The following ATP2B1 variants were observed in gnomAD, a reference collection of about 807,000 sequenced individuals.
The protein encoded by ATP2B1 is plasma membrane calcium-transporting ATPase 1.
ATP2B1 carries 14 observed loss-of-function variants against 124.2 expected under a neutral mutation model. The observed-to-expected ratio is 0.11, with a 90% CI of 0.07 to 0.18. ATP2B1 has a LOEUF of 0.18. ATP2B1 is among the 10% of genes least tolerant of loss of function. The pLI is 1.00. For synonymous variants in ATP2B1, 449 were observed against 492.4 expected (o/e 0.91, Z 1.17); for missense variants, 763 against 1,466.1 (o/e 0.52, Z 7.83).
rs869199593 is a variant in ATP2B1 at position 89,677,971 on chromosome 12, T to TAC, written c.-221-21866_-221-21865dup. Reference sequence around the variant, plus strand: ...TGCAGGAATTATATATATATATATATACACACACACACACACACACACACA... The same window carrying TAC: ...TGCAGGAATTATATATATATATATATACACACACACACACACACACACACACA... On this transcript the variant is annotated intron_variant, in intron 1 of 20. Coordinates refer to ENST00000428670, the MANE Select transcript of ATP2B1 (RefSeq NM_001366521.1). 2.6e-3 allele frequency among the ~76,000 whole-genome samples: 137 copies of TAC among 52,208 alleles called. 5 individuals carry two copies. The highest frequency in any genetic ancestry group is 3.7e-3 in the African/African-American group (53 of 14,290). 34.3% of individuals were successfully genotyped at this position (52,208 alleles called of 152,430 possible). A position where few individuals can be genotyped will look rare whatever the true frequency, so the allele number is the denominator to read the frequency against.
chr12:89,671,730 G>C (rs1388249891), intron 1 of ATP2B1, among the ~76,000 whole-genome samples: 1 of 149,698 alleles, frequency 6.7e-6, no homozygotes, highest in African/African-American at 2.5e-5. Context: ...ACAGGGAAGA[G>C]AATGTGCTAG....
rs549282040 is a variant in ATP2B1 at position 89,630,672 on chromosome 12, T to A, written c.788-27A>T. 7.8e-5 allele frequency: 111 copies of A among 1,424,074 alleles called. 1 individual carries two copies. In the South Asian group the frequency reaches 1.9e-3, roughly 24 times the overall value. The allele number at this position is 1,424,074 out of a possible 1,614,324, so 88.2% of individuals were successfully genotyped here. On this transcript the variant is annotated intron_variant, in intron 5 of 20. Coordinates refer to ENST00000428670, the MANE Select transcript of ATP2B1 (RefSeq NM_001366521.1). Reference sequence around the variant, plus strand: ...TATAACCAAAAACATAGTTTGTTTTTAAAAATACTGATAGATCTCCTTGCT... The same window carrying A: ...TATAACCAAAAACATAGTTTGTTTTAAAAAATACTGATAGATCTCCTTGCT...
intron 5 of ATP2B1, among the ~76,000 whole-genome samples, chr12:89,633,790 T>C (rs546247637): frequency 3.3e-5 from 5 of 152,120 alleles, no homozygotes; most frequent in Non-Finnish European, 7.4e-5. Context: ...TGGCAATCTA[T>C]CAACACCTGA....
At chr12:89,668,411 A>C (rs190986081) in intron 1 of ATP2B1, among the ~76,000 whole-genome samples, 1 of 152,334 alleles carries the variant, frequency 6.6e-6, no homozygotes, top group East Asian at 1.9e-4. Flanking sequence ...CATAAAAAAG[A>C]AATGTAACCA....
At chr12:89,678,197 T>C (rs1047968103) in intron 1 of ATP2B1, among the ~76,000 whole-genome samples, 1 of 151,964 alleles carries the variant, frequency 6.6e-6, no homozygotes, top group African/African-American at 2.4e-5. Flanking sequence ...CTGCCTTTCT[T>C]TTCCCTAAAA....
In ATP2B1 at chr12:89,664,803, C is replaced by T. The variant is rs1887104411; in HGVS notation, c.-221-8696G>A. ...GATTGTCACCTTGATCCAAAAGTTT[C>T]CTCAAACAAATATAAGCAAATTACT... On this transcript the variant is annotated intron_variant, in intron 1 of 20. Coordinates refer to ENST00000428670, the MANE Select transcript of ATP2B1 (RefSeq NM_001366521.1). 5.9e-5 allele frequency among the ~76,000 whole-genome samples: 9 copies of T among 152,188 alleles called. No homozygotes were observed. The South Asian group carries it at 1.9e-3, about 32-fold the overall frequency.
rs532545952 is a variant in ATP2B1 at position 89,633,333 on chromosome 12, G to A, written c.787+1445C>T. On this transcript the variant is annotated intron_variant, in intron 5 of 20. Transcript: ENST00000428670. ...TATTATTATTATATTTTAAGTTTTA[G>A]GGTACATGTGCACAATGTGTAGGTT... Among the ~76,000 whole-genome samples the A allele has an allele frequency of 5.3e-5, 8 of 151,490 alleles. No homozygotes were observed. The South Asian group carries it at 1.5e-3, about 28-fold the overall frequency.
intron 19 of ATP2B1, among the ~76,000 whole-genome samples, chr12:89,600,185 A>G (rs1210996980): frequency 6.6e-6 from 1 of 152,212 alleles, no homozygotes; most frequent in Non-Finnish European, 1.5e-5. Context: ...CTCAGAATCT[A>G]GAAACATAGT....
In ATP2B1 at chr12:89,642,303, C is replaced by A. The variant is rs1366956886; in HGVS notation, c.261G>T (p.Lys87Asn). The change falls in exon 3 of 21, where the codon AAG (lysine) becomes AAT (asparagine). Residue 87 changes from lysine to asparagine, a missense_variant. Lys to Asn is a moderately conservative substitution (Grantham distance 94, BLOSUM62 0). Transcript: ENST00000428670. ...TTGGCTTTTTAGGAGGTATAAAATTCTTTCCAAACACTGCTTCTCTTCTTT... is the reference window on the plus strand; with the variant it reads ...TTGGCTTTTTAGGAGGTATAAAATTATTTCCAAACACTGCTTCTCTTCTTT... ...DLERREAVFG[K>N]NFIPPKKPKT... is the part of the protein sequence containing the mutation. The A allele has an allele frequency of 6.2e-7, 1 of 1,613,766 alleles. No individual in the cohort carries two copies. The highest frequency in any genetic ancestry group is 8.5e-7 in the Non-Finnish European group (1 of 1,179,908).
At chr12:89,628,319 T>C (rs2136138591) in intron 6 of ATP2B1, among the ~76,000 whole-genome samples, 2 of 148,494 alleles carry the variant, frequency 1.3e-5, no homozygotes, top group South Asian at 4.4e-4. Flanking sequence ...GGAGAGTTGC[T>C]TGAACCCGGA....
intron 5 of ATP2B1, among the ~76,000 whole-genome samples, chr12:89,631,282 C>T (rs1158155575): frequency 1.3e-5 from 2 of 152,094 alleles, no homozygotes; most frequent in Non-Finnish European, 2.9e-5. Flanking sequence ...ATGTAAAGTG[C>T]TTAGCATACT....
In ATP2B1 at chr12:89,627,733, G is replaced by A; in HGVS notation, c.929-17C>T. On this transcript the variant is annotated splice_polypyrimidine_tract_variant and intron_variant, in intron 6 of 20. Transcript: ENST00000428670. ...GTTTCTTATCTGTAGGAACAAAATG[G>A]GAATTAAAGCTTTCCAAAAGAAATG... 6.2e-7 allele frequency: 1 copy of A among 1,612,996 alleles called. No individual in the cohort carries two copies. Among genetic ancestry groups the A allele is most frequent in the Non-Finnish European group, 8.5e-7 (1 of 1,179,310 alleles).
chr12:89,692,691 A>G (rs1890689515), intron 1 of ATP2B1, among the ~76,000 whole-genome samples: 3 of 152,166 alleles, frequency 2.0e-5, no homozygotes, highest in Admixed American at 6.6e-5. Context: ...GGTGCTCCTT[A>G]CAATTTTCAC....
At chr12:89,595,619 A>C (rs1173197348) in intron 20 of ATP2B1, among the ~76,000 whole-genome samples, 1 of 152,114 alleles carries the variant, frequency 6.6e-6, no homozygotes, top group Admixed American at 6.6e-5. Context: ...AAACTATTCC[A>C]TATTAGGGCA....
At chr12:89,613,516 C>G (rs2136023148) in intron 12 of ATP2B1, among the ~76,000 whole-genome samples, 1 of 152,212 alleles carries the variant, frequency 6.6e-6, no homozygotes, top group East Asian at 1.9e-4. Flanking sequence ...AAGGACAGGG[C>G]CTGCTTAGAT....
intron 11 of ATP2B1, among the ~76,000 whole-genome samples, chr12:89,618,844 A>C (rs186048644): frequency 9.5e-4 from 145 of 152,320 alleles, no homozygotes; most frequent in African/African-American, 3.3e-3. Flanking sequence ...TCTTAAACTA[A>C]TTGTAAAGTG....
At chr12:89,642,730 G>A (rs896161752) in intron 2 of ATP2B1, among the ~76,000 whole-genome samples, 17 of 151,936 alleles carry the variant, frequency 1.1e-4, no homozygotes, top group African/African-American at 3.9e-4. Flanking sequence ...TCACCTTCTC[G>A]AGTAGCTGGG....
At chr12:89,621,835 A>C in intron 9 of ATP2B1, 44 bp from the exon 10 acceptor site, 7 of 1,461,610 alleles carry the variant, frequency 4.8e-6, no homozygotes, top group Non-Finnish European at 6.4e-6. Context: ...TGCATATAAA[A>C]CCAATCACCT....
chr12:89,602,871 A>G (rs1264724869), intron 18 of ATP2B1, among the ~76,000 whole-genome samples, 172 bp downstream of exon 18: 3 of 152,218 alleles, frequency 2.0e-5, no homozygotes, highest in Non-Finnish European at 4.4e-5. Flanking sequence ...TAAGAACAGG[A>G]GATTCAGTTC....
Sources: allele counts gnomAD v4.1 joint callset (sites outside exome capture counted in the v4.1 genomes callset), GRCh38; gene constraint gnomAD v4.1.1; transcripts MANE v1.5; gene names NCBI Gene and HGNC (gene_info 2026-07-23, HGNC 2026-07-21).